ZEB2: variants seen among roughly 807,000 people sequenced by gnomAD.
ZEB2 encodes the protein zinc finger E-box-binding homeobox 2.
In ZEB2, 6 loss-of-function variants were observed where a neutral mutation model predicts 99.9. The observed-to-expected ratio is 0.06, with a 90% confidence interval of 0.03 to 0.12. The LOEUF (loss-of-function observed/expected upper bound fraction) is 0.12. Among genes scored for constraint, ZEB2 ranks in the 10% least tolerant of loss-of-function variants. The pLI is 1.00. For synonymous variants in ZEB2, 517 were observed against 542.5 expected (o/e 0.95, Z 0.65); for missense variants, 969 against 1,502.8 (o/e 0.64, Z 5.87).
chr2:144,408,546 T>TCA (rs1247356782), intron 4 of ZEB2, among the ~76,000 whole-genome samples: 3 of 152,236 alleles, frequency 2.0e-5, no homozygotes, highest in Non-Finnish European at 4.4e-5. Flanking sequence ...TTTATATATC[T>TCA]CACATACCTA....
At chr2:144,502,254 G>A (rs1354889645) in intron 2 of ZEB2, among the ~76,000 whole-genome samples, 2 of 152,122 alleles carry the variant, frequency 1.3e-5, no homozygotes, top group Middle Eastern at 3.2e-3. Flanking sequence ...GCTGTTTTAT[G>A]AATGGAGGTA....
At chr2:144,473,957 G>C (rs1206930660) in intron 2 of ZEB2, among the ~76,000 whole-genome samples, 1 of 152,116 alleles carries the variant, frequency 6.6e-6, no homozygotes, top group Non-Finnish European at 1.5e-5. Flanking sequence ...GATTCATCCG[G>C]TTTTCTCAAG....
intron 8 of ZEB2, 44 bp downstream of exon 8, chr2:144,398,257 T>C: frequency 6.2e-7 from 1 of 1,609,890 alleles, no homozygotes; most frequent in East Asian, 2.2e-5. Context: ...TCAAAATAAT[T>C]GCCACCTCTT....
At chr2:144,437,021 T>A (rs1703848288) in intron 2 of ZEB2, among the ~76,000 whole-genome samples, 1 of 152,222 alleles carries the variant, frequency 6.6e-6, no homozygotes, top group Admixed American at 6.5e-5. Flanking sequence ...TGGTTTTGAT[T>A]ACCTTACTTA....
intron 2 of ZEB2, among the ~76,000 whole-genome samples, chr2:144,482,753 T>A (rs1326240914): frequency 6.6e-6 from 1 of 151,390 alleles, no homozygotes; most frequent in Non-Finnish European, 1.5e-5. Context: ...TGATATTTCT[T>A]TTTTTTTTCA....
chr2:144,443,561 C>T (rs1703945857), intron 2 of ZEB2, among the ~76,000 whole-genome samples: 1 of 152,046 alleles, frequency 6.6e-6, no homozygotes, highest in Non-Finnish European at 1.5e-5. Flanking sequence ...TAAGCGTAAC[C>T]TGAGTTGTAA....
At chr2:144,509,498 T>C (rs1362767645) in intron 2 of ZEB2, among the ~76,000 whole-genome samples, 1 of 152,208 alleles carries the variant, frequency 6.6e-6, no homozygotes, top group Non-Finnish European at 1.5e-5. Context: ...CCGTTAGTTT[T>C]GCTCTTATAA....
chr2:144,487,318 T>C (rs1027276791), intron 2 of ZEB2, among the ~76,000 whole-genome samples: 4 of 152,028 alleles, frequency 2.6e-5, no homozygotes, highest in Non-Finnish European at 5.9e-5. Flanking sequence ...ACACAACAGG[T>C]AGGAAAAAGA....
rs758658510 is a variant in ZEB2, at chr2:144,401,187, T to A, written c.916+12A>T. On this transcript the variant is annotated intron_variant, in intron 7 of 9. Coordinates refer to ENST00000627532, the MANE Select transcript of ZEB2 (RefSeq NM_014795.4). The stretch of plus-strand genomic sequence containing the variant: ...AAATGCAAATGCGAGCTCCAGCACC[T>A]CTGCTACTCACCACTGTGAATTCGC... 1.2e-6 allele frequency: 2 copies of A among 1,611,578 alleles called. No homozygotes were observed. Among genetic ancestry groups the A allele is most frequent in the South Asian group, 2.2e-5 (2 of 91,022 alleles).
At chr2:144,472,020 C>G (rs953724411) in intron 2 of ZEB2, among the ~76,000 whole-genome samples, 1 of 152,006 alleles carries the variant, frequency 6.6e-6, no homozygotes, top group Non-Finnish European at 1.5e-5. Flanking sequence ...TGCCATTTCT[C>G]TGCTTTCTGA....
rs1395904812 is a variant in ZEB2 at position 144,398,894 on chromosome 2, G to T, written c.2293C>A (p.His765Asn). The T allele has an allele frequency of 4.3e-6, 7 of 1,614,002 alleles. No individual in the cohort carries two copies. Among genetic ancestry groups the T allele is most frequent in the African/African-American group, 1.3e-5 (1 of 74,914 alleles). ...DPPLRLTKPSHFTNIKPVEKL... is the reference protein window; with the variant it reads ...DPPLRLTKPSNFTNIKPVEKL... ...TCAACTGGTTTAATATTGGTAAAAT[G>T]GGAAGGTTTTGTTAGCCTGAGAGGA... The change falls in exon 8 of 10, where the codon CAT becomes AAT. Residue 765 changes from histidine to asparagine, a missense_variant. This residue lies in a region of ZEB2 where 346 missense variants were observed against 460.0 expected (regional missense o/e 0.75). Coordinates refer to ENST00000627532, the MANE Select transcript of ZEB2 (RefSeq NM_014795.4).
intron 2 of ZEB2, among the ~76,000 whole-genome samples, chr2:144,498,317 T>C (rs1704818719): frequency 6.7e-6 from 1 of 150,278 alleles, no homozygotes; most frequent in African/African-American, 2.5e-5. Flanking sequence ...CTAACCCTTG[T>C]GACCCCTTGT....
In ZEB2 at chr2:144,409,993, G is replaced by C. The variant is rs928069881; in HGVS notation, c.404-4969C>G. Among the ~76,000 whole-genome samples, 3 of 150,834 alleles carry C rather than the reference G, an allele frequency of 2.0e-5. No individual in the cohort carries two copies. The South Asian group carries it at 6.3e-4, about 32-fold the overall frequency. On this transcript the variant is annotated intron_variant, in intron 4 of 9. Coordinates refer to ENST00000627532, the MANE Select transcript of ZEB2 (RefSeq NM_014795.4). ...GTAGTGCAATCTCGGCTCACTGCCA[G>C]CTCCGTCTCCCAGGTTCACACTATT... is the stretch of plus-strand genomic sequence containing the variant.
intron 2 of ZEB2, among the ~76,000 whole-genome samples, chr2:144,516,931 G>A (rs1377516398): frequency 1.3e-5 from 2 of 151,370 alleles, no homozygotes; most frequent in Non-Finnish European, 3.0e-5. Flanking sequence ...AGCCCGGCCG[G>A]AGACCCGGCG....
At chr2:144,445,874 A>T (rs1257355455) in intron 2 of ZEB2, among the ~76,000 whole-genome samples, 1 of 152,206 alleles carries the variant, frequency 6.6e-6, no homozygotes, top group African/African-American at 2.4e-5. Context: ...AATTACTAGA[A>T]GCTCTGCTGT....
intron 2 of ZEB2, chr2:144,449,849 G>T (rs780359713): frequency 3.9e-5 from 6 of 152,214 alleles, no homozygotes; most frequent in Non-Finnish European, 8.8e-5. Flanking sequence ...CAGCCCTTAA[G>T]ATGTCCAGCT....
At position 144,399,711 on chromosome 2, in the gene ZEB2, C is replaced by T. The variant is rs368316666; in HGVS notation, c.1476G>A (p.Lys492=). The T allele has an allele frequency of 3.7e-6, 6 of 1,614,004 alleles. No homozygotes were observed. The African/African-American group carries it at 6.7e-5, about 18-fold the overall frequency. ...EISKLKGYHM[K]DPCSQPEEQG... ...GTTCCTCAGGTTGAGAGCATGGATC[C>T]TTCATGTGATAACCTTTCAACTTTG... The change falls in exon 8 of 10, where the codon AAG becomes AAA. Residue 492 remains lysine (K), a synonymous_variant. Coordinates refer to ENST00000627532, the MANE Select transcript of ZEB2 (RefSeq NM_014795.4). This position sits in a 1 kb window ranked among gnomAD's most constrained non-coding sequence, Gnocchi z 5.6.
intron 2 of ZEB2, among the ~76,000 whole-genome samples, chr2:144,437,468 G>A (rs542608434): frequency 3.9e-5 from 6 of 152,280 alleles, no homozygotes; most frequent in South Asian, 2.1e-4. Flanking sequence ...TGGAATCCAC[G>A]ATCATTCAAC....
At chr2:144,432,546 A>G (rs1703787727) in intron 2 of ZEB2, among the ~76,000 whole-genome samples, 1 of 152,106 alleles carries the variant, frequency 6.6e-6, no homozygotes, top group Middle Eastern at 3.2e-3. Context: ...ACTGAGATGG[A>G]CTTTGCACTT....
Sources: gnomAD v4.1 joint callset for allele counts (sites outside exome capture counted in the v4.1 genomes callset) on GRCh38, gnomAD v4.1.1 for gene constraint, gnomAD v4.1.1 regional missense constraint, Gnocchi (gnomAD v3.1) non-coding constraint, MANE v1.5 for transcripts, NCBI Gene and HGNC (gene_info 2026-07-23, HGNC 2026-07-21) for gene names.